Variants in CSMD3 observed in about 807,000 individuals in gnomAD.
The protein encoded by CSMD3 is CUB and sushi domain-containing protein 3.
In CSMD3, 177 loss-of-function variants were observed where a neutral mutation model predicts 435.2. The observed-to-expected ratio is 0.41, with a 90% CI of 0.36 to 0.46. The LOEUF (loss-of-function observed/expected upper bound fraction) is 0.46. Among genes scored for constraint, CSMD3 ranks in the 20% least tolerant of loss-of-function variants. The probability of loss-of-function intolerance (pLI) is 0.34; values close to 1 mark genes in which losing one functional copy is unlikely to be tolerated. For missense variants in CSMD3, 4,265 were observed against 4,504.6 expected (o/e 0.95, Z 1.52); for synonymous variants, 1,656 against 1,520.5 (o/e 1.09, Z -2.07).
At chr8:113,370,758 C>A (rs1198484158) in intron 1 of CSMD3, among the ~76,000 whole-genome samples, 3 of 151,962 alleles carry the variant, frequency 2.0e-5, no homozygotes, top group Non-Finnish European at 4.4e-5. Flanking sequence ...TACCCTATTA[C>A]ACCAACATGC....
chr8:113,255,498 T>A (rs1175062908), intron 3 of CSMD3, among the ~76,000 whole-genome samples: 1 of 152,060 alleles, frequency 6.6e-6, no homozygotes, highest in Non-Finnish European at 1.5e-5. Flanking sequence ...TTTTTTCAGT[T>A]TTATATTTGA....
At chr8:112,815,723 C>CA (rs2079356284) in intron 12 of CSMD3, among the ~76,000 whole-genome samples, 2 of 152,054 alleles carry the variant, frequency 1.3e-5, no homozygotes, top group Non-Finnish European at 2.9e-5. Flanking sequence ...CAAATGCAAG[C>CA]AAAACAGAAG....
chr8:112,680,042 C>T (rs2131771119), intron 16 of CSMD3, among the ~76,000 whole-genome samples: 1 of 152,268 alleles, frequency 6.6e-6, no homozygotes, highest in Non-Finnish European at 1.5e-5. Context: ...TCTCTCATTT[C>T]CTACTGTTGC....
At chr8:113,001,786 A>T (rs1387791083) in intron 6 of CSMD3, among the ~76,000 whole-genome samples, 2 of 152,008 alleles carry the variant, frequency 1.3e-5, no homozygotes, top group Non-Finnish European at 2.9e-5. Flanking sequence ...TTATTCGAGG[A>T]CCTGCTGTAA....
At chr8:112,793,174 TATTA>T (rs1369249597) in intron 13 of CSMD3, among the ~76,000 whole-genome samples, 2 of 147,334 alleles carry the variant, frequency 1.4e-5, no homozygotes, top group Non-Finnish European at 3.0e-5. Context: ...TAATTAAATA[TATTA>T]ATTTATATAC....
chr8:112,424,850 C>A (rs774136366), intron 32 of CSMD3, among the ~76,000 whole-genome samples: 1 of 152,116 alleles, frequency 6.6e-6, no homozygotes, highest in Non-Finnish European at 1.5e-5. Flanking sequence ...TGCCACAATG[C>A]CCAGCTAATT....
chr8:112,494,539 CTTTCTTTCTTTCT>C (rs1821110758), intron 30 of CSMD3, among the ~76,000 whole-genome samples: 1 of 121,580 alleles, frequency 8.2e-6, no homozygotes, highest in Non-Finnish European at 1.8e-5. Flanking sequence ...TTCTTTCTTT[CTTTCTTTCTTTCT>C]TTCTTTCTTT....
chr8:113,266,181 T>TAAA (rs34809876), intron 3 of CSMD3, among the ~76,000 whole-genome samples: 20 of 131,822 alleles, frequency 1.5e-4, no homozygotes, highest in African/African-American at 2.5e-4. Context: ...CCCCTAAACT[T>TAAA]AAAAAAAAAA....
At chr8:113,363,042 G>C (rs940469327) in intron 1 of CSMD3, among the ~76,000 whole-genome samples, 1 of 152,138 alleles carries the variant, frequency 6.6e-6, no homozygotes, top group Non-Finnish European at 1.5e-5. Flanking sequence ...GATAATTTCT[G>C]TAATAAAACC....
At chr8:113,165,124 G>A (rs965236576) in intron 4 of CSMD3, among the ~76,000 whole-genome samples, 1 of 152,036 alleles carries the variant, frequency 6.6e-6, no homozygotes, top group Non-Finnish European at 1.5e-5. Context: ...TTCACCACAG[G>A]GGATTCTGAA....
At chr8:113,149,642 T>C (rs1200781800) in intron 4 of CSMD3, among the ~76,000 whole-genome samples, 1 of 151,954 alleles carries the variant, frequency 6.6e-6, no homozygotes, top group Non-Finnish European at 1.5e-5. Flanking sequence ...TTGTACATGG[T>C]GTAATCCCAA....
chr8:113,182,587 A>G (rs1424515563), intron 3 of CSMD3, among the ~76,000 whole-genome samples: 1 of 152,014 alleles, frequency 6.6e-6, no homozygotes, highest in Non-Finnish European at 1.5e-5. Flanking sequence ...CTCACAACGA[A>G]TTGCTTAAAT....
At chr8:113,038,162 G>GT (rs1232386603) in intron 5 of CSMD3, among the ~76,000 whole-genome samples, 1 of 152,028 alleles carries the variant, frequency 6.6e-6, no homozygotes, top group Non-Finnish European at 1.5e-5. Flanking sequence ...GTCAACATAC[G>GT]TATTACTTAT....
At chr8:113,204,600 C>T (rs950253992) in intron 3 of CSMD3, among the ~76,000 whole-genome samples, 3 of 152,110 alleles carry the variant, frequency 2.0e-5, no homozygotes, top group Non-Finnish European at 2.9e-5. Context: ...TTCACTCAGA[C>T]TCATTCAGTG....
intron 21 of CSMD3, among the ~76,000 whole-genome samples, chr8:112,638,232 A>C (rs970567124): frequency 6.7e-6 from 1 of 148,864 alleles, no homozygotes; most frequent in Admixed American, 6.7e-5. Context: ...TTATTAATTA[A>C]TTAAGATCAT....
At chr8:112,693,578 A>G (rs1238921838) in intron 13 of CSMD3, among the ~76,000 whole-genome samples, 1 of 151,962 alleles carries the variant, frequency 6.6e-6, no homozygotes, top group Non-Finnish European at 1.5e-5. Context: ...CCATTCTTTT[A>G]AGAGCTAGGA....
intron 4 of CSMD3, among the ~76,000 whole-genome samples, chr8:113,166,377 T>C (rs1056366006): frequency 6.6e-6 from 1 of 151,996 alleles, no homozygotes; most frequent in Non-Finnish European, 1.5e-5. Context: ...TGGTGGTGCA[T>C]ACCTATAATC....
chr8:112,625,310 A>C (rs1302796282), intron 22 of CSMD3, among the ~76,000 whole-genome samples: 17 of 152,088 alleles, frequency 1.1e-4, no homozygotes. Flanking sequence ...AGTCATCTCA[A>C]ACATCATGAT....
At chr8:112,495,938 A>C (rs998469680) in intron 30 of CSMD3, among the ~76,000 whole-genome samples, 2 of 151,238 alleles carry the variant, frequency 1.3e-5, no homozygotes, top group African/African-American at 4.8e-5. Flanking sequence ...ATATATATTT[A>C]TACTATATAT....
Sources: gnomAD v4.1 joint callset for allele counts (sites outside exome capture counted in the v4.1 genomes callset) on GRCh38, gnomAD v4.1.1 for gene constraint, MANE v1.5 for transcripts, NCBI Gene and HGNC (gene_info 2026-07-23, HGNC 2026-07-21) for gene names.